Variants in ZSCAN4 observed in about 807,000 individuals in gnomAD.
ZSCAN4 encodes zinc finger and SCAN domain-containing protein 4.
A neutral mutation model predicts 18.3 loss-of-function variants in ZSCAN4; 18 were observed. The ratio of observed to expected loss-of-function variants is 0.98; its 90% confidence interval spans 0.68 to 1.46. The LOEUF is 1.46. ZSCAN4 is among the 40% of genes most tolerant of loss of function. The pLI, the probability that ZSCAN4 is intolerant of heterozygous loss-of-function variation, is 0.00. For missense variants in ZSCAN4, 498 were observed against 511.4 expected (o/e 0.97, Z 0.25); for synonymous variants, 193 against 180.3 (o/e 1.07, Z -0.57).
At chr19:57,663,973 C>CA (rs1007491567), upstream of ZSCAN4, among the ~76,000 whole-genome samples, 1 of 151,634 alleles carries the variant, frequency 6.6e-6, no homozygotes, top group African/African-American at 2.4e-5. Flanking sequence ...CTAAAAACAC[C>CA]AAAAAACAAT....
chr19:57,678,366 G>T lies in ZSCAN4; in HGVS notation c.763G>T (p.Glu255Ter). ...AGAGCTAGTCACTGCTAGATCTCAG[G>T]AAGGGTCCATAAATGGAATCACTTT... Residue 255 changes from glutamate to a stop codon, truncating the protein, a stop_gained, in exon 5 of 5, where the codon GAA becomes TAA. Coordinates refer to ENST00000318203, the Ensembl canonical transcript of ZSCAN4. LOFTEE classifies it low-confidence loss of function (END_TRUNC). 1 of 1,614,164 alleles carries T rather than the reference G, an allele frequency of 6.2e-7. No individual in the cohort carries two copies. The highest frequency in any genetic ancestry group is 8.5e-7 in the Non-Finnish European group (1 of 1,180,034).
the ZSCAN4 span, among the ~76,000 whole-genome samples, chr19:57,658,698 G>A: frequency 3.3e-5 from 5 of 151,968 alleles, no homozygotes; most frequent in Non-Finnish European, 5.9e-5. Flanking sequence ...GCTAGGCATG[G>A]TGGCACGTGC....
the ZSCAN4 span, among the ~76,000 whole-genome samples, chr19:57,656,807 G>A: frequency 6.6e-6 from 1 of 151,380 alleles, no homozygotes; most frequent in Non-Finnish European, 1.5e-5. Flanking sequence ...GGGCAACATG[G>A]CAAAACACTG....
At chr19:57,651,661 A>C in the ZSCAN4 span, among the ~76,000 whole-genome samples, 1 of 152,088 alleles carries the variant, frequency 6.6e-6, no homozygotes, top group Non-Finnish European at 1.5e-5. Context: ...GAAACCCGGG[A>C]CGACGCTTGG....
intron 2 of ZSCAN4, 126 bp from the exon 3 acceptor site, chr19:57,675,915 T>TATTTAAG (rs1252697669): frequency 1.6e-5 from 7 of 433,984 alleles, no homozygotes; most frequent in Non-Finnish European, 2.4e-5. Context: ...TCTGGGAGAG[T>TATTTAAG]TTATGTTAAG....
upstream of ZSCAN4, among the ~76,000 whole-genome samples, chr19:57,666,328 C>G (rs924405140): frequency 2.6e-5 from 4 of 152,146 alleles, no homozygotes; most frequent in African/African-American, 9.7e-5. Flanking sequence ...CGCGTGCTGG[C>G]TCTCCAGTTC....
chr19:57,651,663 G>A, the ZSCAN4 span, among the ~76,000 whole-genome samples: 1 of 152,152 alleles, frequency 6.6e-6, no homozygotes, highest in Middle Eastern at 3.2e-3. Context: ...AACCCGGGAC[G>A]ACGCTTGGGT....
upstream of ZSCAN4, among the ~76,000 whole-genome samples, chr19:57,666,535 A>G (rs1983852770): frequency 6.6e-6 from 1 of 151,770 alleles, no homozygotes; most frequent in Non-Finnish European, 1.5e-5. Context: ...ACAACCAAAA[A>G]TCAATAAATA....
chr19:57,661,773 GT>G, the ZSCAN4 span, among the ~76,000 whole-genome samples: 27 of 152,122 alleles, frequency 1.8e-4, no homozygotes, highest in African/African-American at 6.3e-4. Context: ...ATCTTTAAGT[GT>G]TTTAGCTTAC....
exon 3 of ZSCAN4, chr19:57,676,281 G>A: frequency 6.2e-7 from 1 of 1,614,138 alleles, no homozygotes; most frequent in Non-Finnish European, 8.5e-7. Flanking sequence ...CTCAAGAATG[G>A]TGCTCAATTC....
At chr19:57,661,428 A>G in the ZSCAN4 span, among the ~76,000 whole-genome samples, 9 of 152,150 alleles carry the variant, frequency 5.9e-5, no homozygotes, top group Non-Finnish European at 1.3e-4. Context: ...GTGACCATAA[A>G]TCACACATGA....
At chr19:57,655,467 A>G in the ZSCAN4 span, among the ~76,000 whole-genome samples, 1 of 152,116 alleles carries the variant, frequency 6.6e-6, no homozygotes, top group Non-Finnish European at 1.5e-5. Flanking sequence ...ATATCTCTCA[A>G]AACAACTGAA....
At chr19:57,674,582 T>C (rs748674232) in intron 2 of ZSCAN4, among the ~76,000 whole-genome samples, 1 of 149,390 alleles carries the variant, frequency 6.7e-6, no homozygotes, top group Admixed American at 7.3e-5. Flanking sequence ...GGTAGACTCT[T>C]AGGTTGGTTC....
upstream of ZSCAN4, among the ~76,000 whole-genome samples, chr19:57,666,656 G>A (rs1486542054): frequency 1.3e-5 from 2 of 151,876 alleles, no homozygotes; most frequent in East Asian, 1.9e-4. Flanking sequence ...GGCTGAGGTG[G>A]GCGGATCACC....
chr19:57,678,033 G>C (rs1339416962), exon 4 of ZSCAN4: 29 of 1,595,484 alleles, frequency 1.8e-5, no homozygotes, highest in Non-Finnish European at 2.4e-5. Context: ...CAAACATGGG[G>C]ACACCCTCCC....
At chr19:57,666,173 G>T (rs1244296129), upstream of ZSCAN4, among the ~76,000 whole-genome samples, 1 of 152,140 alleles carries the variant, frequency 6.6e-6, no homozygotes, top group East Asian at 1.9e-4. Context: ...GTTCCTACAG[G>T]TCCTGTACAG....
the ZSCAN4 span, among the ~76,000 whole-genome samples, chr19:57,658,628 G>A: frequency 7.9e-5 from 12 of 152,248 alleles, no homozygotes; most frequent in African/African-American, 2.9e-4. Flanking sequence ...GAGATCAGGA[G>A]TTCAAGACTA....
chr19:57,676,023 T>C lies in ZSCAN4; in HGVS notation c.-105-18T>C. On this transcript the variant is annotated intron_variant, in intron 2 of 4. Coordinates refer to ENST00000318203, the Ensembl canonical transcript of ZSCAN4. Reference sequence around the variant, plus strand: ...TGCCAGTGGTGCAATTAATTACTCATCTCTTTTCTATTTCTAGCTTGCAGT... The same window carrying C: ...TGCCAGTGGTGCAATTAATTACTCACCTCTTTTCTATTTCTAGCTTGCAGT... 1 of 990,324 alleles carries C rather than the reference T, an allele frequency of 1.0e-6. No homozygotes were observed. The highest frequency in any genetic ancestry group is 1.4e-6 in the Non-Finnish European group (1 of 692,332). The allele number at this position is 990,324 out of a possible 1,614,324, so 61.3% of individuals were successfully genotyped here.
chr19:57,659,084 A>C, the ZSCAN4 span, among the ~76,000 whole-genome samples: 1 of 152,188 alleles, frequency 6.6e-6, no homozygotes, highest in Non-Finnish European at 1.5e-5. Context: ...AAGAAGAAAG[A>C]AAGCTAAGTT....
Sources: allele counts gnomAD v4.1 joint callset (sites outside exome capture counted in the v4.1 genomes callset), GRCh38; gene constraint gnomAD v4.1.1; transcripts MANE v1.5; gene names NCBI Gene and HGNC (gene_info 2026-07-23, HGNC 2026-07-21).